Variants in PSG6 observed in about 807,000 individuals in gnomAD.
PSG6 encodes the protein pregnancy-specific beta-1-glycoprotein 6.
Under a neutral mutation model 43.3 loss-of-function variants are expected in PSG6, and 51 were observed. The observed-to-expected ratio is 1.18, with a 90% CI of 0.94 to 1.49. The LOEUF (loss-of-function observed/expected upper bound fraction) is 1.49. PSG6 is among the 40% of genes most tolerant of loss of function. The probability of loss-of-function intolerance (pLI) is 0.00; values close to 1 mark genes in which losing one functional copy is unlikely to be tolerated. For synonymous variants in PSG6, 292 were observed against 197.6 expected (o/e 1.48, Z -4.01); for missense variants, 770 against 522.2 (o/e 1.47, Z -4.62).
chr19:42,917,003 C>T (rs374270561), intron 1 of PSG6, among the ~76,000 whole-genome samples: 3 of 151,464 alleles, frequency 2.0e-5, no homozygotes, highest in African/African-American at 7.3e-5. Context: ...ATGTTGGTTG[C>T]ACCCCAGTGC....
At chr19:42,914,936 T>G (rs191748955) in intron 2 of PSG6, among the ~76,000 whole-genome samples, 1 of 151,762 alleles carries the variant, frequency 6.6e-6, no homozygotes, top group Non-Finnish European at 1.5e-5. Flanking sequence ...TGGACATTTT[T>G]TTTGCACTGA....
At chr19:42,905,227 A>T (rs1384098159) in intron 5 of PSG6, among the ~76,000 whole-genome samples, 1 of 151,794 alleles carries the variant, frequency 6.6e-6, no homozygotes, top group African/African-American at 2.4e-5. Context: ...CTTGGTTGTA[A>T]CAACAAAAGC....
Position 42,916,105 on chromosome 19 carries a change from G to A in PSG6, c.427+20C>T. 7 of 1,608,876 alleles carry A rather than the reference G, an allele frequency of 4.4e-6. No individual in the cohort carries two copies. Among genetic ancestry groups the A allele is most frequent in the Non-Finnish European group, 5.9e-6 (7 of 1,177,676 alleles). On this transcript the variant is annotated intron_variant, in intron 2 of 5. Coordinates refer to ENST00000187910, the MANE Select transcript of PSG6 (RefSeq NM_001031850.4). ...TGACCCCTGCCCCCCAACACCCAGG[G>A]ATCATGCGGAATCACTCACAGTATA...
rs1058688 is a variant in PSG6, at chr19:42,910,713, C to T, written c.573G>A (p.Arg191=). Residue 191 remains arginine, a synonymous_variant, in exon 3 of 6, where the codon AGG becomes AGA. Coordinates refer to ENST00000187910, the MANE Select transcript of PSG6 (RefSeq NM_001031850.4). ...LNGQNLPMTH[R]LQLSKTNRTL... ...TCCTGTTGGTTTTGGACAGCTGCAA[C>T]CTGTGAGTCATAGGGAGGTTCTGAC... 3.7e-6 allele frequency: 6 copies of T among 1,612,154 alleles called. No homozygotes were observed. The highest frequency in any genetic ancestry group is 5.1e-6 in the Non-Finnish European group (6 of 1,179,244).
chr19:42,914,503 G>T (rs10408386), intron 2 of PSG6, among the ~76,000 whole-genome samples: 6,762 of 121,164 alleles, frequency 0.056, 324 homozygotes, highest in East Asian at 0.17. Context: ...AAACCCCAGG[G>T]ACCAGGTGCC....
At chr19:42,913,645 C>G (rs1298737525) in intron 2 of PSG6, among the ~76,000 whole-genome samples, 1 of 151,670 alleles carries the variant, frequency 6.6e-6, no homozygotes. Context: ...AGCCTATGGG[C>G]TTAATTGCTC....
rs908489047 is a variant in PSG6 at position 42,905,188 on chromosome 19, C to G, written c.1240+1734G>C. Among the ~76,000 whole-genome samples, 92 of 151,762 alleles carry G rather than the reference C, an allele frequency of 6.1e-4. 3 individuals are homozygous for G. Among genetic ancestry groups the G allele is most frequent in the Non-Finnish European group, 9.4e-4 (64 of 67,902 alleles). On this transcript the variant is annotated intron_variant, in intron 5 of 5. Transcript: ENST00000187910. ...AACTATACAACTCTTAGAAGAAAAA[C>G]TTCATGATAGTGGATTTCACAATGA...
In PSG6 at chr19:42,904,591, GA is replaced by G. The variant is rs568869676; in HGVS notation, c.1241-2146del. Among the ~76,000 whole-genome samples the G allele has an allele frequency of 3.0e-4, 46 of 151,762 alleles. 1 individual carries two copies. Among genetic ancestry groups the G allele is most frequent in the African/African-American group, 1.0e-3 (43 of 41,390 alleles). On this transcript the variant is annotated intron_variant, in intron 5 of 5. Coordinates refer to ENST00000187910, the MANE Select transcript of PSG6 (RefSeq NM_001031850.4). ...TAGGAATAAGTTTAACCAAAGAGGT[GA>G]AATGATTATACCTGAAATCTACAAA...
rs1058674 is a variant in PSG6 at position 42,910,821 on chromosome 19, T to G, written c.465A>C (p.Leu155Phe). The G allele has an allele frequency of 4.3e-6, 7 of 1,611,848 alleles. No individual in the cohort carries two copies. The Admixed American group carries it at 6.7e-5, about 15-fold the overall frequency. The change falls in exon 3 of 6, where the codon TTA becomes TTC. Residue 155 changes from leucine to phenylalanine, a missense_variant. Leu to Phe is a conservative substitution (Grantham distance 22, BLOSUM62 0). Coordinates refer to ENST00000187910, the MANE Select transcript of PSG6 (RefSeq NM_001031850.4). ...CAGCCTCCATGACCTCCCTGGGGTT[T>G]AAGTTGCTGCTGGAGATGGAGGGCT... ...TPKPSISSSN[L>F]NPREVMEAVR...
chr19:42,913,664 G>T (rs1321387419), intron 2 of PSG6, among the ~76,000 whole-genome samples: 1 of 151,692 alleles, frequency 6.6e-6, no homozygotes, highest in East Asian at 1.9e-4. Flanking sequence ...TCCTATAATT[G>T]CTCCTATAGA....
chr19:42,916,532 T>C, intron 1 of PSG6, 45 bp from the exon 2 acceptor site: 1 of 1,575,158 alleles, frequency 6.3e-7, no homozygotes, highest in Non-Finnish European at 8.6e-7. Context: ...ACCTATGTAT[T>C]GGGGTGAAAA....
At chr19:42,905,415 C>G (rs1455032479) in intron 5 of PSG6, among the ~76,000 whole-genome samples, 6 of 151,644 alleles carry the variant, frequency 4.0e-5, no homozygotes, top group Non-Finnish European at 2.9e-5. Context: ...GACAGCAACA[C>G]TAAACAACAG....
intron 5 of PSG6, among the ~76,000 whole-genome samples, chr19:42,903,889 GCCTGTCTCTC>G (rs1335676908): frequency 2.0e-5 from 3 of 151,460 alleles, no homozygotes; most frequent in African/African-American, 7.3e-5. Context: ...CAGAGTGAGA[GCCTGTCTCTC>G]TGTCTTAAAA....
chr19:42,916,700 A>ACC (rs11459407), intron 1 of PSG6, among the ~76,000 whole-genome samples: 10 of 149,976 alleles, frequency 6.7e-5, no homozygotes, highest in East Asian at 4.0e-4. Context: ...CAGCAGCATG[A>ACC]CCCCCATTCC....
rs556326801 is a variant in PSG6, at chr19:42,912,251, C to CA, written c.428-1394dup. ...TCAATTTGTAATACTGTAATTTTCC[C>CA]ATAAAAAGTTGTCAGGAGTTTAGAC... On this transcript the variant is annotated intron_variant, in intron 2 of 5. Coordinates refer to ENST00000187910, the MANE Select transcript of PSG6 (RefSeq NM_001031850.4). Among the ~76,000 whole-genome samples, 13 of 151,564 alleles carry CA rather than the reference C, an allele frequency of 8.6e-5. 1 individual carries two copies. In the South Asian group the frequency reaches 2.5e-3, roughly 29 times the overall value.
chr19:42,905,053 A>T (rs1972090573), intron 5 of PSG6, among the ~76,000 whole-genome samples: 1 of 151,692 alleles, frequency 6.6e-6, no homozygotes, highest in South Asian at 2.1e-4. Flanking sequence ...TTCTCACCAA[A>T]TGATATTGGG....
At chr19:42,905,668 GAA>G (rs916867942) in intron 5 of PSG6, among the ~76,000 whole-genome samples, 35 of 151,696 alleles carry the variant, frequency 2.3e-4, no homozygotes, top group African/African-American at 8.0e-4. Flanking sequence ...GGAAACAACT[GAA>G]AAGTCCATTG....
At chr19:42,903,789 A>T in intron 5 of PSG6, 1 of 1,450,608 alleles carries the variant, frequency 6.9e-7, no homozygotes, top group Non-Finnish European at 9.1e-7. Context: ...GCATCTTGGG[A>T]GGCTGAAGAA....
chr19:42,903,008 A>G (rs1007335507), intron 5 of PSG6, among the ~76,000 whole-genome samples: 3 of 151,442 alleles, frequency 2.0e-5, no homozygotes, highest in Admixed American at 6.6e-5. Flanking sequence ...CCACACAATA[A>G]CCCTGTCAGG....
Sources: allele counts gnomAD v4.1 joint callset (sites outside exome capture counted in the v4.1 genomes callset), GRCh38; gene constraint gnomAD v4.1.1; transcripts MANE v1.5; gene names NCBI Gene and HGNC (gene_info 2026-07-23, HGNC 2026-07-21).